Variants in NTM observed in about 807,000 individuals in gnomAD.
The protein encoded by NTM is IgLON family member 2.
Under a neutral mutation model 42.1 loss-of-function variants are expected in NTM, and 13 were observed. That is an observed-to-expected ratio of 0.31 (90% CI 0.20 to 0.49). The LOEUF is 0.49. Ranked by LOEUF, NTM falls within the 20% of genes least tolerant of loss-of-function variation. The probability of loss-of-function intolerance (pLI) is 0.99; values close to 1 mark genes in which losing one functional copy is unlikely to be tolerated. For missense variants in NTM, 373 were observed against 452.8 expected, an observed-to-expected ratio of 0.82 and a Z score of 1.60; for synonymous variants, 187 against 179.2, an observed-to-expected ratio of 1.04 and a Z score of -0.35.
chr11:131,481,083 G>A (rs1021493102), intron 1 of NTM, among the ~76,000 whole-genome samples: 1 of 152,148 alleles, frequency 6.6e-6, no homozygotes, highest in African/African-American at 2.4e-5. Context: ...AGTAGAGTAG[G>A]TAGAAATGGA....
chr11:131,767,103 G>C (rs2085241509), intron 1 of NTM: 1 of 974,582 alleles, frequency 1.0e-6, no homozygotes, highest in African/African-American at 1.8e-5. Context: ...CTCTGGACAA[G>C]GCAGTAAGTA....
At chr11:131,963,594 T>G (rs888187561) in intron 2 of NTM, among the ~76,000 whole-genome samples, 17 of 152,222 alleles carry the variant, frequency 1.1e-4, no homozygotes, top group Non-Finnish European at 8.8e-5. Flanking sequence ...CTGAGCAGGT[T>G]ATTGTTGGAG....
chr11:132,044,122 G>GTA (rs1555230539), intron 2 of NTM, among the ~76,000 whole-genome samples: 8 of 130,670 alleles, frequency 6.1e-5, no homozygotes, highest in African/African-American at 1.4e-4. Flanking sequence ...GTGTATGTGT[G>GTA]TGTATATATG....
chr11:131,517,427 T>G (rs537218220), intron 1 of NTM, among the ~76,000 whole-genome samples: 1 of 152,320 alleles, frequency 6.6e-6, no homozygotes, highest in South Asian at 2.1e-4. Context: ...CCCGATGTTA[T>G]AATTACAAGA....
At chr11:131,798,314 A>G (rs1438554546) in intron 1 of NTM, among the ~76,000 whole-genome samples, 1 of 152,166 alleles carries the variant, frequency 6.6e-6, no homozygotes, top group Admixed American at 6.5e-5. Context: ...GAACTGGCAC[A>G]GTGCTGCAGT....
rs141553947 is a variant in NTM at position 131,970,787 on chromosome 11, A to C, written c.167+59139A>C. Among the ~76,000 whole-genome samples, 641 of 152,330 alleles carry C rather than the reference A, an allele frequency of 4.2e-3. 4 individuals carry two copies. The highest frequency in any genetic ancestry group is 0.015 in the African/African-American group (606 of 41,560). On this transcript the variant is annotated intron_variant, in intron 2 of 8. Coordinates refer to ENST00000683400, the MANE Select transcript of NTM (RefSeq NM_001352005.2). ...ATTCCTCAGTTCATAGCACATCATC[A>C]TCCCTGACAAGGGGATCATTGATCC... is the stretch of plus-strand genomic sequence containing the variant.
At chr11:132,024,744 C>G (rs571487770) in intron 2 of NTM, among the ~76,000 whole-genome samples, 1 of 152,292 alleles carries the variant, frequency 6.6e-6, no homozygotes, top group South Asian at 2.1e-4. Context: ...CAACTTCTGA[C>G]TCAGTCACAT....
Position 132,315,978 on chromosome 11 carries a change from G to C in NTM, c.934+1275G>C, listed in dbSNP as rs147780639. ...GCAGGCGTCTGTCTGCATGAACAGA[G>C]ACCAGGATTAGGAAGGAACAGACCC... is the stretch of plus-strand genomic sequence containing the variant. On this transcript the variant is annotated intron_variant, in intron 7 of 8. Coordinates refer to ENST00000683400, the MANE Select transcript of NTM (RefSeq NM_001352005.2). 9.2e-3 allele frequency among the ~76,000 whole-genome samples: 1,402 copies of C among 152,004 alleles called. 21 individuals carry two copies. The highest frequency in any genetic ancestry group is 0.033 in the African/African-American group (1,343 of 41,306).
intron 1 of NTM, among the ~76,000 whole-genome samples, chr11:131,657,150 CA>C (rs55842346): frequency 0.027 from 3,984 of 147,990 alleles, 173 homozygotes; most frequent in African/African-American, 0.09. Context: ...AAGACCAGCC[CA>C]AAAAAAAAAA....
chr11:131,706,627 T>A (rs2076616962), intron 1 of NTM, among the ~76,000 whole-genome samples: 1 of 152,152 alleles, frequency 6.6e-6, no homozygotes, highest in East Asian at 1.9e-4. Context: ...TTAAATTTTA[T>A]CAAGTTCTTT....
intron 3 of NTM, among the ~76,000 whole-genome samples, chr11:132,193,411 A>T (rs57325987): frequency 0.11 from 17,304 of 152,108 alleles, 1,824 homozygotes; most frequent in African/African-American, 0.27. Context: ...GACTTTGGGG[A>T]AAAGAATGAC....
At chr11:132,096,466 G>A (rs561215203) in intron 2 of NTM, among the ~76,000 whole-genome samples, 1 of 152,152 alleles carries the variant, frequency 6.6e-6, no homozygotes, top group African/African-American at 2.4e-5. Context: ...ATGGGGAATA[G>A]AAATAGAACC....
intron 1 of NTM, among the ~76,000 whole-genome samples, chr11:131,770,277 T>G (rs899010887): frequency 6.6e-6 from 1 of 152,186 alleles, no homozygotes; most frequent in Non-Finnish European, 1.5e-5. Context: ...CTTCTCCTTT[T>G]ACAAAAAAGG....
intron 1 of NTM, among the ~76,000 whole-genome samples, chr11:131,775,493 C>T (rs772005275): frequency 6.6e-6 from 1 of 152,078 alleles, no homozygotes; most frequent in South Asian, 2.1e-4. Flanking sequence ...AAAATTTGGT[C>T]ATTTTAGTTG....
At chr11:131,940,988 A>G (rs548063128) in intron 2 of NTM, among the ~76,000 whole-genome samples, 1 of 152,344 alleles carries the variant, frequency 6.6e-6, no homozygotes, top group African/African-American at 2.4e-5. Flanking sequence ...TTCCTCTTCG[A>G]TGATTCTGCT....
intron 1 of NTM, among the ~76,000 whole-genome samples, chr11:131,759,138 G>A (rs1401802171): frequency 3.9e-5 from 6 of 152,166 alleles, no homozygotes; most frequent in Admixed American, 3.9e-4. Context: ...AGAACATGCT[G>A]CCATTATGAG....
chr11:131,502,522 A>G (rs984137893), intron 1 of NTM, among the ~76,000 whole-genome samples: 10 of 152,006 alleles, frequency 6.6e-5, no homozygotes, highest in Admixed American at 2.6e-4. Context: ...GGAGCGGGGG[A>G]AAGTGCTATC....
intron 1 of NTM, among the ~76,000 whole-genome samples, chr11:131,454,852 G>A (rs1331200401): frequency 2.0e-5 from 3 of 152,092 alleles, no homozygotes; most frequent in African/African-American, 7.2e-5. Flanking sequence ...TATAAAGCCT[G>A]TATTTGGCAT....
intron 1 of NTM, among the ~76,000 whole-genome samples, chr11:131,844,076 G>A (rs544930283): frequency 1.4e-4 from 22 of 151,956 alleles, no homozygotes; most frequent in East Asian, 3.9e-4. Flanking sequence ...GTGTGTGTGC[G>A]TTTGTGTTGG....
Sources: gnomAD v4.1 joint callset for allele counts (sites outside exome capture counted in the v4.1 genomes callset) on GRCh38, gnomAD v4.1.1 for gene constraint, MANE v1.5 for transcripts, NCBI Gene and HGNC (gene_info 2026-07-23, HGNC 2026-07-21) for gene names.